The following GRB10 variants were observed in gnomAD, a reference collection of about 807,000 sequenced individuals.
The protein encoded by GRB10 is growth factor receptor-bound protein 10.
A neutral mutation model predicts 80.9 loss-of-function variants in GRB10; 20 were observed. The observed-to-expected ratio is 0.25, with a 90% confidence interval of 0.17 to 0.36. GRB10 has a LOEUF of 0.36. Ranked by LOEUF, GRB10 falls within the 10% of genes least tolerant of loss-of-function variation. The pLI is 1.00. For synonymous variants in GRB10, 291 were observed against 291.5 expected, an observed-to-expected ratio of 1.00 and a Z score of 0.02; for missense variants, 548 against 747.7, an observed-to-expected ratio of 0.73 and a Z score of 3.12.
upstream of GRB10, among the ~76,000 whole-genome samples, chr7:50,787,661 T>A (rs535649635): frequency 2.6e-5 from 4 of 152,234 alleles, no homozygotes; most frequent in East Asian, 7.7e-4. Flanking sequence ...GATGGAGAGA[T>A]GAGGCGACAA....
chr7:50,727,717 C>T (rs1227940384), intron 4 of GRB10: 3 of 109,776 alleles, frequency 2.7e-5, no homozygotes, highest in Non-Finnish European at 5.3e-5. Flanking sequence ...ACATAAGTAT[C>T]GCACAAATCA....
At chr7:50,683,019 G>T (rs1208297888) in intron 5 of GRB10, among the ~76,000 whole-genome samples, 2 of 152,088 alleles carry the variant, frequency 1.3e-5, no homozygotes, top group Non-Finnish European at 2.9e-5. Flanking sequence ...ACAGATAATC[G>T]TACACCCTTG....
At chr7:50,598,920 C>T (rs1277713393) in intron 17 of GRB10, among the ~76,000 whole-genome samples, 1 of 151,398 alleles carries the variant, frequency 6.6e-6, no homozygotes, top group Admixed American at 6.6e-5. Context: ...AGCAGGAAGG[C>T]CAGTGGGGCT....
intron 13 of GRB10, among the ~76,000 whole-genome samples, chr7:50,610,586 G>A (rs1350683661): frequency 6.6e-6 from 1 of 152,198 alleles, no homozygotes; most frequent in Non-Finnish European, 1.5e-5. Context: ...GAGGAAAGGG[G>A]TTCTGGGGCC....
chr7:50,604,682 C>G (rs972786072), intron 15 of GRB10, among the ~76,000 whole-genome samples: 6 of 152,210 alleles, frequency 3.9e-5, no homozygotes, highest in African/African-American at 7.2e-5. Context: ...ACACACAAGC[C>G]TTTCTATTAA....
intron 4 of GRB10, chr7:50,726,979 T>A (rs1024799926): frequency 5.3e-5 from 8 of 152,162 alleles, no homozygotes; most frequent in African/African-American, 1.4e-4. Context: ...GGGGAGAACA[T>A]GAAGGTCCCC....
chr7:50,627,851 C>T (rs2053231683), intron 7 of GRB10, among the ~76,000 whole-genome samples: 1 of 152,352 alleles, frequency 6.6e-6, no homozygotes, highest in East Asian at 1.9e-4. Context: ...CCGTCTCTCC[C>T]CACTGTCCCA....
At chr7:50,624,792 C>T (rs910112623) in intron 8 of GRB10, among the ~76,000 whole-genome samples, 3 of 151,998 alleles carry the variant, frequency 2.0e-5, no homozygotes, top group Non-Finnish European at 4.4e-5. Flanking sequence ...CTTCAAATCC[C>T]GGCTGTGTGA....
chr7:50,760,612 G>A (rs1359295275), intron 2 of GRB10, among the ~76,000 whole-genome samples: 12 of 152,170 alleles, frequency 7.9e-5, no homozygotes, highest in Non-Finnish European at 1.5e-4. Context: ...TCATCATCTA[G>A]TAAAATGCAC....
At chr7:50,777,388 CAT>C (rs2077776559) in intron 2 of GRB10, among the ~76,000 whole-genome samples, 1 of 149,800 alleles carries the variant, frequency 6.7e-6, no homozygotes, top group African/African-American at 2.5e-5. Flanking sequence ...GGTTTCAACA[CAT>C]GAATTTTGGG....
At chr7:50,776,715 T>C (rs61618565) in intron 2 of GRB10, among the ~76,000 whole-genome samples, 8,947 of 152,272 alleles carry the variant, frequency 0.059, 610 homozygotes, top group Admixed American at 0.18. Context: ...GCCAAGTTCT[T>C]TGCGCCTTTG....
At chr7:50,732,673 C>T (rs1445555954) in intron 3 of GRB10, among the ~76,000 whole-genome samples, 1 of 150,286 alleles carries the variant, frequency 6.7e-6, no homozygotes, top group Non-Finnish European at 1.5e-5. Flanking sequence ...TCCTGCACTG[C>T]CTCACCCTTC....
chr7:50,607,982 T>C (rs2048830876), intron 13 of GRB10, among the ~76,000 whole-genome samples: 1 of 152,204 alleles, frequency 6.6e-6, no homozygotes, highest in East Asian at 1.9e-4. Context: ...TACTCATTTC[T>C]AAGATAAAAA....
At chr7:50,717,477 G>A (rs1020789480) in intron 4 of GRB10, among the ~76,000 whole-genome samples, 18 of 152,198 alleles carry the variant, frequency 1.2e-4, no homozygotes, top group African/African-American at 4.1e-4. Context: ...GCATGCGCAT[G>A]CGTCACAGTC....
chr7:50,779,250 A>AT (rs2078027879), intron 2 of GRB10: 1 of 152,188 alleles, frequency 6.6e-6, no homozygotes, highest in Non-Finnish European at 1.5e-5. Flanking sequence ...AACTGCAAGC[A>AT]TAACACCTGG....
intron 3 of GRB10, among the ~76,000 whole-genome samples, chr7:50,742,285 A>G (rs1344858722): frequency 1.3e-3 from 35 of 27,818 alleles, no homozygotes; most frequent in African/African-American, 1.9e-3. Flanking sequence ...ACACACACAC[A>G]CACACACACA....
intron 8 of GRB10, among the ~76,000 whole-genome samples, chr7:50,624,075 G>A (rs945881119): frequency 2.6e-5 from 4 of 152,130 alleles, no homozygotes; most frequent in Admixed American, 2.6e-4. Flanking sequence ...TCCAACTTGG[G>A]TGCCCTATAC....
chr7:50,735,353 G>A (rs773556663), intron 3 of GRB10, among the ~76,000 whole-genome samples: 1 of 152,182 alleles, frequency 6.6e-6, no homozygotes, highest in African/African-American at 2.4e-5. Context: ...ATATTGTTAA[G>A]ATGAAATACT....
intron 13 of GRB10, among the ~76,000 whole-genome samples, chr7:50,611,072 C>T (rs745924768): frequency 1.3e-5 from 2 of 151,920 alleles, no homozygotes; most frequent in Non-Finnish European, 2.9e-5. Flanking sequence ...TTCAAAAGAT[C>T]ACCCCTGGCC....
Sources: gnomAD v4.1 joint callset for allele counts (sites outside exome capture counted in the v4.1 genomes callset) on GRCh38, gnomAD v4.1.1 for gene constraint, MANE v1.5 for transcripts, NCBI Gene and HGNC (gene_info 2026-07-23, HGNC 2026-07-21) for gene names.